MTMR10: variants seen among roughly 807,000 people sequenced by gnomAD.
The protein encoded by MTMR10 is myotubularin related protein 10, also known as myotubularin-related protein 10.
MTMR10 carries 56 observed loss-of-function variants against 88.1 expected under a neutral mutation model. The observed-to-expected ratio is 0.64, with a 90% CI of 0.51 to 0.79. The LOEUF is 0.79. Among genes scored for constraint, MTMR10 ranks in the 30% least tolerant of loss-of-function variants. The pLI, the probability that MTMR10 is intolerant of heterozygous loss-of-function variation, is 0.00. For missense variants in MTMR10, 883 were observed against 924.7 expected, an observed-to-expected ratio of 0.95 and a Z score of 0.58; for synonymous variants, 380 against 340.9, an observed-to-expected ratio of 1.11 and a Z score of -1.26.
At chr15:30,954,317 G>C (rs992796332) in intron 10 of MTMR10, among the ~76,000 whole-genome samples, 14 of 152,136 alleles carry the variant, frequency 9.2e-5, no homozygotes, top group Admixed American at 8.5e-4. Context: ...GACTCATCCC[G>C]CAGGACACAT....
intron 14 of MTMR10, among the ~76,000 whole-genome samples, chr15:30,946,019 A>G (rs2063166210): frequency 1.3e-5 from 2 of 152,208 alleles, no homozygotes; most frequent in Admixed American, 6.5e-5. Flanking sequence ...GGGTTCCCCA[A>G]AAGTGGCAAT....
At chr15:30,967,025 T>A (rs181779171) in intron 6 of MTMR10, among the ~76,000 whole-genome samples, 1 of 152,206 alleles carries the variant, frequency 6.6e-6, no homozygotes. Flanking sequence ...TGCCAGTTAT[T>A]TAAATTACTA....
At chr15:30,963,641 A>G (rs908970991) in intron 6 of MTMR10, among the ~76,000 whole-genome samples, 4 of 151,956 alleles carry the variant, frequency 2.6e-5, no homozygotes, top group African/African-American at 9.6e-5. Flanking sequence ...TGTCTCAAAA[A>G]TAAATAGACA....
chr15:30,925,929 T>C, the MTMR10 span: 17 of 1,613,970 alleles, frequency 1.1e-5, no homozygotes, highest in Non-Finnish European at 1.2e-5. Context: ...GACGCAGCGG[T>C]TTTGACCAGG....
At chr15:30,943,704 G>T (rs1242612912) in intron 14 of MTMR10, 4 of 985,174 alleles carry the variant, frequency 4.1e-6, no homozygotes, top group Non-Finnish European at 4.8e-6. Context: ...CTCTGGGCGG[G>T]TGCAGCCTAG....
At chr15:30,937,039 T>C, downstream of MTMR10, 1 of 1,144,456 alleles carries the variant, frequency 8.7e-7, no homozygotes, top group South Asian at 1.4e-5. Context: ...TAAATAGTTG[T>C]CAGTGACAAC....
chr15:30,991,197 C>G (rs2031299014), intron 1 of MTMR10: 1 of 485,270 alleles, frequency 2.1e-6, no homozygotes, highest in Admixed American at 4.3e-5. Context: ...TGGGCCTCAA[C>G]ACTCCGCAAA....
At chr15:30,921,010 C>T in the MTMR10 span, among the ~76,000 whole-genome samples, 12 of 152,186 alleles carry the variant, frequency 7.9e-5, no homozygotes, top group African/African-American at 2.7e-4. Context: ...TCTCGAACTC[C>T]TGGGCTCAAG....
At chr15:30,943,608 C>T in intron 14 of MTMR10, 1 of 985,424 alleles carries the variant, frequency 1.0e-6, no homozygotes, top group African/African-American at 1.7e-5. Flanking sequence ...GGGATCAACT[C>T]CCTGTGGTCC....
At chr15:30,937,480 C>G (rs1407165622), downstream of MTMR10, among the ~76,000 whole-genome samples, 2 of 122,760 alleles carry the variant, frequency 1.6e-5, no homozygotes, top group Admixed American at 1.0e-4. Context: ...GAGACAGAGT[C>G]TCGCTCTGTC....
chr15:30,944,888 T>C (rs1199529242), intron 14 of MTMR10, among the ~76,000 whole-genome samples: 1 of 151,924 alleles, frequency 6.6e-6, no homozygotes, highest in African/African-American at 2.4e-5. Flanking sequence ...GGCATGCGCC[T>C]GCAGTCCTAG....
At chr15:30,964,849 T>C (rs1440104943) in intron 6 of MTMR10, among the ~76,000 whole-genome samples, 4 of 152,212 alleles carry the variant, frequency 2.6e-5, no homozygotes, top group African/African-American at 9.7e-5. Context: ...TCCTATACTG[T>C]TGGGGTTATT....
chr15:30,936,824 T>C (rs559825457), downstream of MTMR10, among the ~76,000 whole-genome samples: 1 of 152,310 alleles, frequency 6.6e-6, no homozygotes, highest in South Asian at 2.1e-4. Flanking sequence ...TGTGGCTGAC[T>C]GGGAGCTGTG....
At chr15:30,925,962 G>T in the MTMR10 span, 1 of 1,612,504 alleles carries the variant, frequency 6.2e-7, no homozygotes, top group Non-Finnish European at 8.5e-7. Flanking sequence ...GCTTTCTCTT[G>T]TGGCACCCAG....
At chr15:30,948,201 C>T in intron 13 of MTMR10, 101 bp downstream of exon 13, 1 of 1,118,186 alleles carries the variant, frequency 8.9e-7, no homozygotes, top group Non-Finnish European at 1.2e-6. Flanking sequence ...TTAAGTTGTA[C>T]TAAATACAGT....
At chr15:30,947,332 T>C (rs72710420) in intron 13 of MTMR10, 32 bp from the exon 14 acceptor site, 69,053 of 1,599,696 alleles carry the variant, frequency 0.043, 1,985 homozygotes, top group South Asian at 0.11. Flanking sequence ...TGGGATCATT[T>C]AATGTTATCC....
Position 30,959,070 on chromosome 15 carries a change from C to G in MTMR10, c.810G>C (p.Lys270Asn). The change falls in exon 8 of 16, where the codon AAG becomes AAC. Residue 270 changes from lysine to asparagine, a missense_variant. Physicochemically the swap from Lys to Asn is moderately conservative, Grantham distance 94. Transcript: ENST00000435680. ...VPSSLADQDL[K>N]IFSHSFVGRR... The stretch of plus-strand genomic sequence containing the variant: ...TCCCAACAAAAGAATGGGAAAAGAT[C>G]TTTAGATCTTGGTCTGCTAAAGAAC... 2 of 1,612,120 alleles carry G rather than the reference C, an allele frequency of 1.2e-6. No individual in the cohort carries two copies. Among genetic ancestry groups the G allele is most frequent in the Non-Finnish European group, 1.7e-6 (2 of 1,178,884 alleles).
chr15:30,925,373 T>C, the MTMR10 span: 1 of 1,302,766 alleles, frequency 7.7e-7, no homozygotes, highest in Non-Finnish European at 1.1e-6. Flanking sequence ...AAGAGCTGTT[T>C]TGAGTGTGTG....
At chr15:30,930,575 C>T in the MTMR10 span, 1 of 1,611,086 alleles carries the variant, frequency 6.2e-7, no homozygotes, top group African/African-American at 1.3e-5. Context: ...GCCCTGTGCT[C>T]AGTGGTGTGT....
Sources: gnomAD v4.1 joint callset for allele counts (sites outside exome capture counted in the v4.1 genomes callset) on GRCh38, gnomAD v4.1.1 for gene constraint, MANE v1.5 for transcripts, NCBI Gene and HGNC (gene_info 2026-07-23, HGNC 2026-07-21) for gene names.